KCNQ5: variants seen among roughly 807,000 people sequenced by gnomAD.
The protein encoded by KCNQ5 is potassium voltage-gated channel subfamily KQT member 5.
In KCNQ5, 30 loss-of-function variants were observed where a neutral mutation model predicts 98.2. That is an observed-to-expected ratio of 0.31 (90% confidence interval 0.23 to 0.41). The LOEUF (loss-of-function observed/expected upper bound fraction) is 0.41, where lower values mean the gene tolerates loss of function less well. KCNQ5 is among the 10% of genes least tolerant of loss of function. The pLI is 1.00. For missense variants in KCNQ5, 835 were observed against 1,182.5 expected, an observed-to-expected ratio of 0.71 and a Z score of 4.31; for synonymous variants, 458 against 449.4, an observed-to-expected ratio of 1.02 and a Z score of -0.24.
Position 73,004,131 on chromosome 6 carries a change from A to G in KCNQ5, c.489+133A>G, listed in dbSNP as rs1769717014. 6 of 566,470 alleles carry G rather than the reference A, an allele frequency of 1.1e-5. No individual in the cohort carries two copies. In the South Asian group the frequency reaches 1.6e-4, roughly 16 times the overall value. The allele number at this position is 566,470 out of a possible 1,614,324, so 35.1% of individuals were successfully genotyped here. ...ACTGAGAAATATAAAAATGTCAAAG[A>G]TTACTGAAACATTTGCCCACCAATT... On this transcript the variant is annotated intron_variant, in intron 2 of 13. Transcript: ENST00000370398.
At chr6:73,046,880 T>C (rs909392491) in intron 3 of KCNQ5, among the ~76,000 whole-genome samples, 3 of 152,174 alleles carry the variant, frequency 2.0e-5, no homozygotes, top group Middle Eastern at 6.8e-3. Context: ...TGGCCTCAAG[T>C]AATCCACCCG....
chr6:72,622,354 C>T lies in KCNQ5; in HGVS notation c.165C>T (p.Gly55=). 1 of 1,433,884 alleles carries T rather than the reference C, an allele frequency of 7.0e-7. No homozygotes were observed. The highest frequency in any genetic ancestry group is 9.1e-7 in the Non-Finnish European group (1 of 1,096,624). 88.8% of individuals were successfully genotyped at this position (1,433,884 alleles called of 1,614,324 possible). A position where few individuals can be genotyped will look rare whatever the true frequency, so the allele number is the denominator to read the frequency against. The part of the protein sequence containing the change: ...RVLLNSAAAR[G]DGLLLLGTRA... Reference sequence around the variant, plus strand: ...TGCTGAACTCGGCAGCCGCCAGGGGCGACGGCCTGCTACTGCTGGGCACCC... The same window carrying T: ...TGCTGAACTCGGCAGCCGCCAGGGGTGACGGCCTGCTACTGCTGGGCACCC... The change falls in exon 1 of 14, where the codon GGC becomes GGT. Residue 55 remains glycine, a synonymous_variant. Coordinates refer to ENST00000370398, the MANE Select transcript of KCNQ5 (RefSeq NM_019842.4). This position sits in a 1 kb window ranked among gnomAD's most constrained non-coding sequence, Gnocchi z 6.0.
chr6:72,787,077 G>C (rs1773793475), intron 1 of KCNQ5, among the ~76,000 whole-genome samples: 2 of 147,124 alleles, frequency 1.4e-5, no homozygotes, highest in Admixed American at 1.4e-4. Context: ...CTGTGCATTT[G>C]TATTATCTCC....
At chr6:73,153,904 T>TAA (rs3068405) in intron 10 of KCNQ5, among the ~76,000 whole-genome samples, 146,443 of 147,730 alleles carry the variant, frequency 0.99, 72,581 homozygotes, top group Middle Eastern at 1. Flanking sequence ...TCAATTCCAC[T>TAA]AAAAAAAAAA....
At chr6:72,869,703 CAA>C in intron 1 of KCNQ5, among the ~76,000 whole-genome samples, 1 of 150,200 alleles carries the variant, frequency 6.7e-6, no homozygotes, top group Non-Finnish European at 1.5e-5. Context: ...TTTTTAATGA[CAA>C]AAAAAAATGG....
At chr6:73,165,962 A>G (rs1777779777) in intron 10 of KCNQ5, among the ~76,000 whole-genome samples, 1 of 151,704 alleles carries the variant, frequency 6.6e-6, no homozygotes, top group Non-Finnish European at 1.5e-5. Flanking sequence ...AGAGAGAGAA[A>G]TACAAGAAGG....
intron 1 of KCNQ5, among the ~76,000 whole-genome samples, chr6:72,725,044 G>A (rs929576172): frequency 5.9e-5 from 9 of 151,882 alleles, no homozygotes; most frequent in East Asian, 1.9e-4. Flanking sequence ...AATACACTAC[G>A]TTAAAAATTT....
At chr6:72,663,056 A>T (rs2154472978) in intron 1 of KCNQ5, among the ~76,000 whole-genome samples, 1 of 152,204 alleles carries the variant, frequency 6.6e-6, no homozygotes, top group Non-Finnish European at 1.5e-5. Flanking sequence ...CGAACACTGC[A>T]TGTTCTCTCT....
chr6:72,626,900 A>G (rs1161799430), intron 1 of KCNQ5, among the ~76,000 whole-genome samples: 12 of 152,224 alleles, frequency 7.9e-5, no homozygotes, highest in Admixed American at 7.9e-4. Context: ...GGTATGAGGA[A>G]GATGATTCTG....
intron 1 of KCNQ5, among the ~76,000 whole-genome samples, chr6:72,700,145 C>T (rs139758881): frequency 1.0e-3 from 152 of 152,276 alleles, no homozygotes; most frequent in African/African-American, 3.5e-3. Flanking sequence ...TATGTTTAGG[C>T]ATTATTGTTA....
intron 2 of KCNQ5, among the ~76,000 whole-genome samples, chr6:73,029,401 A>G (rs890108481): frequency 1.7e-4 from 26 of 152,146 alleles, no homozygotes; most frequent in Admixed American, 3.3e-4. Context: ...AATATTTGCC[A>G]TGTGCTATGT....
intron 1 of KCNQ5, among the ~76,000 whole-genome samples, chr6:72,721,493 G>A (rs1289147610): frequency 6.6e-6 from 1 of 151,828 alleles, no homozygotes; most frequent in Non-Finnish European, 1.5e-5. Flanking sequence ...ACATGTCATA[G>A]CCCAGCATTT....
intron 1 of KCNQ5, among the ~76,000 whole-genome samples, chr6:72,871,322 TG>T (rs1778196746): frequency 6.6e-6 from 1 of 152,224 alleles, no homozygotes; most frequent in Admixed American, 6.5e-5. Context: ...ATTTTGATTC[TG>T]CAAAACCTAG....
intron 1 of KCNQ5, among the ~76,000 whole-genome samples, chr6:72,810,140 C>A (rs1173477081): frequency 6.6e-6 from 1 of 152,208 alleles, no homozygotes; most frequent in Non-Finnish European, 1.5e-5. Context: ...CAGAGAATAG[C>A]TTTTCCCTTG....
chr6:72,980,705 A>G (rs1469225427), intron 1 of KCNQ5, among the ~76,000 whole-genome samples: 1 of 152,154 alleles, frequency 6.6e-6, no homozygotes, highest in African/African-American at 2.4e-5. Flanking sequence ...AACTTCCAAC[A>G]CTATGTTCAA....
intron 2 of KCNQ5, among the ~76,000 whole-genome samples, chr6:73,032,807 T>C (rs1221271298): frequency 2.0e-5 from 3 of 149,708 alleles, no homozygotes; most frequent in Non-Finnish European, 4.4e-5. Flanking sequence ...AAGGTATAAA[T>C]AGGTTTAGGA....
intron 1 of KCNQ5, among the ~76,000 whole-genome samples, chr6:72,749,074 C>T (rs1771550736): frequency 6.6e-6 from 1 of 152,132 alleles, no homozygotes; most frequent in Non-Finnish European, 1.5e-5. Flanking sequence ...TCTGAACAAA[C>T]TCTAAATTAC....
Position 73,157,550 on chromosome 6 carries a change from G to A in KCNQ5, c.1469-12196G>A. ...ACTGACGATACTTCCATCCTTGCTG[G>A]GTGGTGTCAGAGGAAGGGAACCAGC... On this transcript the variant is annotated intron_variant, in intron 10 of 13. Coordinates refer to ENST00000370398, the MANE Select transcript of KCNQ5 (RefSeq NM_019842.4). The A allele has an allele frequency of 4.0e-6, 3 of 749,262 alleles. No individual in the cohort carries two copies. In the South Asian group the frequency reaches 4.2e-5, roughly 11 times the overall value. 46.4% of individuals were successfully genotyped at this position (749,262 alleles called of 1,614,324 possible). A position where few individuals can be genotyped will look rare whatever the true frequency, so the allele number is the denominator to read the frequency against.
intron 5 of KCNQ5, among the ~76,000 whole-genome samples, chr6:73,089,408 C>A (rs901515122): frequency 6.6e-6 from 1 of 151,896 alleles, no homozygotes; most frequent in African/African-American, 2.4e-5. Flanking sequence ...TACAGTGTCC[C>A]CCAGCGATTA....
Sources: gnomAD v4.1 joint callset for allele counts (sites outside exome capture counted in the v4.1 genomes callset) on GRCh38, gnomAD v4.1.1 for gene constraint, Gnocchi (gnomAD v3.1) non-coding constraint, MANE v1.5 for transcripts, NCBI Gene and HGNC (gene_info 2026-07-23, HGNC 2026-07-21) for gene names.